Variants in EVL observed in about 807,000 individuals in gnomAD.
EVL encodes the protein ena/VASP-like protein.
EVL carries 21 observed loss-of-function variants against 59.6 expected under a neutral mutation model. The observed-to-expected ratio is 0.35, with a 90% CI of 0.25 to 0.51. The LOEUF (loss-of-function observed/expected upper bound fraction) is 0.51. Ranked by LOEUF, EVL falls within the 20% of genes least tolerant of loss-of-function variation. The probability of loss-of-function intolerance (pLI) is 0.97; values close to 1 mark genes in which losing one functional copy is unlikely to be tolerated. For missense variants in EVL, 462 were observed against 546.6 expected (o/e 0.85, Z 1.54); for synonymous variants, 198 against 203.5 (o/e 0.97, Z 0.23).
intron 1 of EVL, among the ~76,000 whole-genome samples, chr14:100,024,072 T>C (rs779191784): frequency 1.3e-5 from 2 of 152,238 alleles, no homozygotes; most frequent in East Asian, 1.9e-4. Flanking sequence ...AGGAATGTAG[T>C]GTACCAAGAT....
chr14:100,049,441 A>G (rs4900453), intron 1 of EVL, among the ~76,000 whole-genome samples: 93,720 of 151,980 alleles, frequency 0.62, 32,160 homozygotes, highest in Non-Finnish European at 0.75. Context: ...ATGTCATTGT[A>G]CTCTCTGGAC....
At chr14:100,117,476 C>G (rs1887426110) in intron 3 of EVL, among the ~76,000 whole-genome samples, 2 of 152,220 alleles carry the variant, frequency 1.3e-5, no homozygotes, top group African/African-American at 2.4e-5. Flanking sequence ...TGTCCTATCC[C>G]CCTGCAGTCT....
rs141074317 is a variant in EVL at position 100,035,554 on chromosome 14, C to T, written c.6-49133C>T. 2.9e-3 allele frequency among the ~76,000 whole-genome samples: 437 copies of T among 152,132 alleles called. 7 individuals carry two copies. The highest frequency in any genetic ancestry group is 0.015 in the South Asian group (70 of 4,806). On this transcript the variant is annotated intron_variant, in intron 1 of 13. Coordinates refer to the EVL transcript ENST00000402714. Reference sequence around the variant, plus strand: ...GTGTGGTTTTCACTGATGGGGAGAGCGCTGAGATGTACAGGTGCGTCATTT... The same window carrying T: ...GTGTGGTTTTCACTGATGGGGAGAGTGCTGAGATGTACAGGTGCGTCATTT...
At chr14:100,008,775 C>T (rs770069544) in intron 1 of EVL, among the ~76,000 whole-genome samples, 3 of 151,178 alleles carry the variant, frequency 2.0e-5, no homozygotes, top group Non-Finnish European at 4.4e-5. Context: ...TCAATTTGTC[C>T]TTGTACCTAT....
chr14:100,136,360 G>A (rs896487908), intron 9 of EVL, among the ~76,000 whole-genome samples: 6 of 152,214 alleles, frequency 3.9e-5, no homozygotes, highest in African/African-American at 1.4e-4. Flanking sequence ...CCAGTGAAAC[G>A]CCAGCTGATG....
chr14:100,118,780 T>G (rs1273131239), intron 3 of EVL, among the ~76,000 whole-genome samples: 1 of 152,052 alleles, frequency 6.6e-6, no homozygotes, highest in Non-Finnish European at 1.5e-5. Context: ...TCCCCTCTTG[T>G]GTGTTTCTCC....
intron 1 of EVL, among the ~76,000 whole-genome samples, chr14:100,067,511 G>T (rs1055478040): frequency 6.6e-6 from 1 of 151,548 alleles, no homozygotes; most frequent in Non-Finnish European, 1.5e-5. Flanking sequence ...TTTTAGAGAT[G>T]AGGTCTTGCT....
rs549093413 is a variant in EVL, at chr14:100,127,259, G to A, written c.487+488G>A. On this transcript the variant is annotated intron_variant, in intron 5 of 13. Transcript: ENST00000392920. The surrounding 1 kb of genome is among the most constrained non-coding windows in gnomAD (Gnocchi z 4.2). Reference sequence around the variant, plus strand: ...TTGGACGTTCGGTGGAGCTTAGCACGTTAAAGGAGAAGGACGAGGGTTTTC... The same window carrying A: ...TTGGACGTTCGGTGGAGCTTAGCACATTAAAGGAGAAGGACGAGGGTTTTC... Among the ~76,000 whole-genome samples the A allele has an allele frequency of 7.2e-5, 11 of 152,340 alleles. No homozygotes were observed. In the South Asian group the frequency reaches 1.7e-3, roughly 23 times the overall value.
At position 100,115,467 on chromosome 14, in the gene EVL, T is replaced by A. The variant is rs189010286; in HGVS notation, c.359-8072T>A. Among the ~76,000 whole-genome samples, 3 of 152,396 alleles carry A rather than the reference T, an allele frequency of 2.0e-5. No homozygotes were observed. The East Asian group carries it at 5.8e-4, about 29-fold the overall frequency. On this transcript the variant is annotated intron_variant, in intron 3 of 13. Transcript: ENST00000392920. ...CAGTGTCTCCTTGTTAGTGCATGACTGCAAGGGCTGGGTGCTTCCCACTGT... is the reference window on the plus strand; with the variant it reads ...CAGTGTCTCCTTGTTAGTGCATGACAGCAAGGGCTGGGTGCTTCCCACTGT...
chr14:100,103,399 T>G (rs747403823), intron 3 of EVL, among the ~76,000 whole-genome samples: 20 of 152,156 alleles, frequency 1.3e-4, no homozygotes, highest in Non-Finnish European at 2.4e-4. Context: ...TCTTACCATC[T>G]CTGCTTATCA....
intron 1 of EVL, among the ~76,000 whole-genome samples, chr14:100,049,843 T>C (rs1041714212): frequency 6.6e-6 from 1 of 152,156 alleles, no homozygotes; most frequent in Non-Finnish European, 1.5e-5. Context: ...CCCAATCTAC[T>C]TTTTTCTCTA....
chr14:100,068,518 T>C (rs2061984015), intron 1 of EVL, among the ~76,000 whole-genome samples: 1 of 152,148 alleles, frequency 6.6e-6, no homozygotes, highest in African/African-American at 2.4e-5. Context: ...GCTGGCAGTG[T>C]GGCAAGAATG....
intron 1 of EVL, among the ~76,000 whole-genome samples, chr14:100,038,148 C>T (rs547021051): frequency 1.1e-4 from 17 of 152,264 alleles, no homozygotes; most frequent in Admixed American, 9.2e-4. Flanking sequence ...CTGCAGGCAG[C>T]AGAAGGAAGT....
chr14:100,061,425 A>G (rs1177507136), upstream of EVL, among the ~76,000 whole-genome samples: 2 of 146,050 alleles, frequency 1.4e-5, no homozygotes, highest in Admixed American at 6.8e-5. Flanking sequence ...AAAAAAAAAA[A>G]AAAAAAGAAA....
At chr14:100,110,079 A>G (rs1013704707) in intron 3 of EVL, among the ~76,000 whole-genome samples, 5 of 152,216 alleles carry the variant, frequency 3.3e-5, no homozygotes, top group African/African-American at 9.6e-5. Context: ...ATTATTTGCA[A>G]AGGTAACTAA....
Position 100,108,753 on chromosome 14 carries a change from C to T in EVL, c.358+11095C>T, listed in dbSNP as rs751104379. 1.3e-5 allele frequency among the ~76,000 whole-genome samples: 2 copies of T among 152,292 alleles called. No homozygotes were observed. Among genetic ancestry groups the T allele is most frequent in the South Asian group, 2.1e-4 (1 of 4,820 alleles). ...CTCCACAGATGGAGCCTTTCCCAGCCGCCCCGCTCCCTGTGACTTTGCACT... is the reference window on the plus strand; with the variant it reads ...CTCCACAGATGGAGCCTTTCCCAGCTGCCCCGCTCCCTGTGACTTTGCACT... On this transcript the variant is annotated intron_variant, in intron 3 of 13. Coordinates refer to ENST00000392920, the MANE Select transcript of EVL (RefSeq NM_016337.3). The surrounding 1 kb of genome is among the most constrained non-coding windows in gnomAD (Gnocchi z 4.1).
At chr14:100,011,861 G>A (rs2061019061) in intron 1 of EVL, among the ~76,000 whole-genome samples, 1 of 152,186 alleles carries the variant, frequency 6.6e-6, no homozygotes, top group East Asian at 1.9e-4. Flanking sequence ...GTTGTTAATA[G>A]TACTACTGTT....
chr14:100,144,024 A>G lies in EVL; in HGVS notation c.*286A>G. The stretch of plus-strand genomic sequence containing the variant: ...TCTTTGGGTTTCTAGAGACGCCCCT[A>G]AGTCACCTGCTTCATTAGACGGTTT... On this transcript the variant is annotated 3_prime_UTR_variant, in exon 14 of 14. Transcript: ENST00000392920. 2.1e-6 allele frequency: 1 copy of G among 468,788 alleles called. No homozygotes were observed. The highest frequency in any genetic ancestry group is 3.8e-6 in the Non-Finnish European group (1 of 263,410). 29.0% of individuals were successfully genotyped at this position (468,788 alleles called of 1,614,324 possible). A position where few individuals can be genotyped will look rare whatever the true frequency, so the allele number is the denominator to read the frequency against.
At chr14:100,049,321 T>C (rs966329744) in intron 1 of EVL, among the ~76,000 whole-genome samples, 1 of 152,190 alleles carries the variant, frequency 6.6e-6, no homozygotes, top group Non-Finnish European at 1.5e-5. Context: ...CCTCAAAGCG[T>C]GTGAGTGTAG....
Sources: gnomAD v4.1 joint callset for allele counts (sites outside exome capture counted in the v4.1 genomes callset) on GRCh38, gnomAD v4.1.1 for gene constraint, Gnocchi (gnomAD v3.1) non-coding constraint, MANE v1.5 for transcripts, NCBI Gene and HGNC (gene_info 2026-07-23, HGNC 2026-07-21) for gene names.